ATMIN: variants seen among roughly 807,000 people sequenced by gnomAD.
ATMIN encodes the protein ATM INteracting protein.
ATMIN carries 24 observed loss-of-function variants against 49.2 expected under a neutral mutation model. That is an observed-to-expected ratio of 0.49 (90% confidence interval 0.35 to 0.69). The LOEUF is 0.69. ATMIN is among the 30% of genes least tolerant of loss of function. The pLI, the probability that ATMIN is intolerant of heterozygous loss-of-function variation, is 0.00. For synonymous variants in ATMIN, 450 were observed against 392.5 expected, an observed-to-expected ratio of 1.15 and a Z score of -1.73; for missense variants, 1,037 against 1,005.5, an observed-to-expected ratio of 1.03 and a Z score of -0.42.
At position 81,041,446 on chromosome 16, in the gene ATMIN, G is replaced by A. The variant is rs1971036436; in HGVS notation, c.427G>A (p.Glu143Lys). 6.2e-7 allele frequency: 1 copy of A among 1,611,830 alleles called. No individual in the cohort carries two copies. Among genetic ancestry groups the A allele is most frequent in the Non-Finnish European group, 8.5e-7 (1 of 1,179,506 alleles). Reference sequence around the variant, plus strand: ...AATTGAAGGCTGCCCCAGAGGCCCTGAGAGACCGTTTTCTCAGTTTTCTCT... The same window carrying A: ...AATTGAAGGCTGCCCCAGAGGCCCTAAGAGACCGTTTTCTCAGTTTTCTCT... Reference protein sequence around the residue: ...CPIEGCPRGPERPFSQFSLVK... With the variant: ...CPIEGCPRGPKRPFSQFSLVK... Residue 143 changes from glutamate (E) to lysine (K), a missense_variant, in exon 2 of 4, where the codon GAG (glutamate) becomes AAG (lysine). Glu to Lys is a moderately conservative substitution (Grantham distance 56, BLOSUM62 1). Transcript: ENST00000299575.
At chr16:81,038,169 C>T (rs542249254) in intron 1 of ATMIN, among the ~76,000 whole-genome samples, 118 of 151,980 alleles carry the variant, frequency 7.8e-4, no homozygotes, top group South Asian at 1.9e-3. Flanking sequence ...CTCACTCTGT[C>T]GCCCAGGCTG....
rs184072726 is a variant in ATMIN, at chr16:81,044,721, A to C, written c.2223A>C (p.Gln741His). 2 of 1,614,222 alleles carry C rather than the reference A, an allele frequency of 1.2e-6. No homozygotes were observed. The highest frequency in any genetic ancestry group is 1.7e-6 in the Non-Finnish European group (2 of 1,180,042). The stretch of plus-strand genomic sequence containing the variant: ...CTGATTCATCTGACACAGAGACCCA[A>C]ACTGAAGGAGTCTCCACTGCTAAAA... ...VSTDSSDTET[Q>H]TEGVSTAKNI... The change falls in exon 4 of 4, where the codon CAA becomes CAC. Residue 741 changes from glutamine (Q) to histidine (H), a missense_variant. By Grantham distance (24) the Gln-to-His change is conservative (BLOSUM62 0). Coordinates refer to ENST00000299575, the MANE Select transcript of ATMIN (RefSeq NM_015251.3).
At chr16:81,038,303 G>T (rs1970981272) in intron 1 of ATMIN, among the ~76,000 whole-genome samples, 1 of 151,692 alleles carries the variant, frequency 6.6e-6, no homozygotes, top group Non-Finnish European at 1.5e-5. Flanking sequence ...GCTAATTTTT[G>T]TATTTTTAGT....
chr16:81,045,029 A>G lies in ATMIN; in HGVS notation c.*59A>G, dbSNP rs1300035471. ...CTACCATTTCCTCTGGATTAAAACT[A>G]CGGACTGGGGACAACAGTATTAATT... On this transcript the variant is annotated 3_prime_UTR_variant, in exon 4 of 4. Transcript: ENST00000299575. 16 of 1,556,278 alleles carry G rather than the reference A, an allele frequency of 1.0e-5. No individual in the cohort carries two copies. The highest frequency in any genetic ancestry group is 1.4e-5 in the African/African-American group (1 of 73,084).
In ATMIN at chr16:81,044,220, G is replaced by C. The variant is rs1242336396; in HGVS notation, c.1722G>C (p.Met574Ile). ...PIINFSAQNS[M>I]LPSQNMTDNQ... ...TAAATTTCAGTGCACAGAATAGTAT[G>C]CTTCCTTCACAGAACATGACAGATA... The change falls in exon 4 of 4, where the codon ATG becomes ATC. Residue 574 changes from methionine (M) to isoleucine (I), a missense_variant. By Grantham distance (10) the Met-to-Ile change is conservative. Transcript: ENST00000299575. 1 of 1,614,136 alleles carries C rather than the reference G, an allele frequency of 6.2e-7. No individual in the cohort carries two copies.
In ATMIN at chr16:81,045,550, C is replaced by G. The variant is rs1971103769; in HGVS notation, c.*580C>G. ...TTAAAGACACCAAGGAAAACTACAA[C>G]TGTCTTTAGCTTTGAAGCAGTTTTC... On this transcript the variant is annotated 3_prime_UTR_variant, in exon 4 of 4. Transcript: ENST00000299575. 6.5e-6 allele frequency: 1 copy of G among 153,130 alleles called. No individual in the cohort carries two copies. Among genetic ancestry groups the G allele is most frequent in the Admixed American group, 6.5e-5 (1 of 15,376 alleles). The allele number at this position is 153,130 out of a possible 1,614,324, so 9.5% of individuals were successfully genotyped here.
intron 3 of ATMIN, among the ~76,000 whole-genome samples, 181 bp from the exon 4 acceptor site, chr16:81,042,980 A>T: frequency 6.6e-6 from 1 of 152,130 alleles, no homozygotes; most frequent in East Asian, 1.9e-4. Flanking sequence ...ATGTTTCTCA[A>T]AGTTCACCTG....
chr16:81,037,554 A>C, intron 1 of ATMIN: 1 of 927,270 alleles, frequency 1.1e-6, no homozygotes, highest in African/African-American at 1.8e-5. Context: ...ACTCAAGTGT[A>C]ACTCTGGGAA....
At position 81,045,027 on chromosome 16, in the gene ATMIN, C is replaced by T. The variant is rs1971096725; in HGVS notation, c.*57C>T. 6.4e-7 allele frequency: 1 copy of T among 1,559,158 alleles called. No individual in the cohort carries two copies. Among genetic ancestry groups the T allele is most frequent in the East Asian group, 2.3e-5 (1 of 44,386 alleles). ...ATCTACCATTTCCTCTGGATTAAAA[C>T]TACGGACTGGGGACAACAGTATTAA... On this transcript the variant is annotated 3_prime_UTR_variant, in exon 4 of 4. Coordinates refer to ENST00000299575, the MANE Select transcript of ATMIN (RefSeq NM_015251.3).
intron 1 of ATMIN, among the ~76,000 whole-genome samples, chr16:81,040,032 AC>A (rs1268372937): frequency 2.6e-5 from 4 of 151,760 alleles, no homozygotes; most frequent in Non-Finnish European, 5.9e-5. Flanking sequence ...GTTTCTTTTC[AC>A]CCTCTACTCT....
In ATMIN at chr16:81,046,636, G is replaced by C. The variant is rs1223273433; in HGVS notation, c.*1666G>C. On this transcript the variant is annotated 3_prime_UTR_variant, in exon 4 of 4. Transcript: ENST00000299575. ...CTAAGTTCCAGTCAAGTAGGAATCA[G>C]TGCAGCCTGTAAGTTCTCCACATTG... 2 of 148,318 alleles carry C rather than the reference G, an allele frequency of 1.3e-5. No homozygotes were observed. Among genetic ancestry groups the C allele is most frequent in the African/African-American group, 5.0e-5 (2 of 40,180 alleles). The allele number at this position is 148,318 out of a possible 1,614,324, so 9.2% of individuals were successfully genotyped here. A position where few individuals can be genotyped will look rare whatever the true frequency, so the allele number is the denominator to read the frequency against.
rs1971104006 is a variant in ATMIN, at chr16:81,045,567, G to A, written c.*597G>A. ...AACTACAACTGTCTTTAGCTTTGAAGCAGTTTTCATGTAATCATTGCCACC... is the reference window on the plus strand; with the variant it reads ...AACTACAACTGTCTTTAGCTTTGAAACAGTTTTCATGTAATCATTGCCACC... On this transcript the variant is annotated 3_prime_UTR_variant, in exon 4 of 4. Transcript: ENST00000299575. 1 of 152,804 alleles carries A rather than the reference G, an allele frequency of 6.5e-6. No individual in the cohort carries two copies. 9.5% of individuals were successfully genotyped at this position (152,804 alleles called of 1,614,324 possible).
At position 81,041,494 on chromosome 16, in the gene ATMIN, C is replaced by CT. The variant is rs1265215221; in HGVS notation, c.462+14dup. ...TCTCGTAAAACAGGTACTCTCTACT[C>CT]TGAGGATGAGATACAGATGCTAAAA... is the stretch of plus-strand genomic sequence containing the variant. On this transcript the variant is annotated intron_variant, in intron 2 of 3. Coordinates refer to ENST00000299575, the MANE Select transcript of ATMIN (RefSeq NM_015251.3). 3 of 1,594,806 alleles carry CT rather than the reference C, an allele frequency of 1.9e-6. No individual in the cohort carries two copies. Among genetic ancestry groups the CT allele is most frequent in the East Asian group, 4.5e-5 (2 of 44,802 alleles).
Position 81,037,986 on chromosome 16 carries a change from A to G in ATMIN, c.336+1780A>G, listed in dbSNP as rs188779835. Among the ~76,000 whole-genome samples, 68 of 152,044 alleles carry G rather than the reference A, an allele frequency of 4.5e-4. 1 individual carries two copies. The highest frequency in any genetic ancestry group is 1.6e-3 in the African/African-American group (66 of 41,460). ...ACTTAGGTGGATGAACTATTTCTTA[A>G]TAGTTTCTGTTGTTCCTTTCTGTGG... On this transcript the variant is annotated intron_variant, in intron 1 of 3. Coordinates refer to ENST00000299575, the MANE Select transcript of ATMIN (RefSeq NM_015251.3).
chr16:81,044,723 C>T lies in ATMIN; in HGVS notation c.2225C>T (p.Thr742Ile), dbSNP rs771912687. The change falls in exon 4 of 4, where the codon ACT (threonine) becomes ATT (isoleucine). Residue 742 changes from threonine (T) to isoleucine (I), a missense_variant. Physicochemically the swap from Thr to Ile is moderately conservative, Grantham distance 89. Coordinates refer to ENST00000299575, the MANE Select transcript of ATMIN (RefSeq NM_015251.3). ...STDSSDTETQTEGVSTAKNIP... is the reference protein window; with the variant it reads ...STDSSDTETQIEGVSTAKNIP... Reference sequence around the variant, plus strand: ...GATTCATCTGACACAGAGACCCAAACTGAAGGAGTCTCCACTGCTAAAAAT... The same window carrying T: ...GATTCATCTGACACAGAGACCCAAATTGAAGGAGTCTCCACTGCTAAAAAT... 6.8e-6 allele frequency: 11 copies of T among 1,614,228 alleles called. No homozygotes were observed. The highest frequency in any genetic ancestry group is 8.5e-6 in the Non-Finnish European group (10 of 1,180,038).
At position 81,044,689 on chromosome 16, in the gene ATMIN, G is replaced by A. The variant is rs757657493; in HGVS notation, c.2191G>A (p.Val731Met). The A allele has an allele frequency of 1.5e-5, 24 of 1,614,002 alleles. No individual in the cohort carries two copies. Among genetic ancestry groups the A allele is most frequent in the South Asian group, 5.5e-5 (5 of 91,080 alleles). Residue 731 changes from valine (V) to methionine (M), a missense_variant, in exon 4 of 4, where the codon GTG becomes ATG. Transcript: ENST00000299575. ...TATTCTGAAACACTCCAGCTTTTCCGTGAGTACTGATTCATCTGACACAGA... is the reference window on the plus strand; with the variant it reads ...TATTCTGAAACACTCCAGCTTTTCCATGAGTACTGATTCATCTGACACAGA... ...GSILKHSSFS[V>M]STDSSDTETQ... is the part of the protein sequence containing the mutation.
chr16:81,041,309 GT>G, intron 1 of ATMIN, 46 bp from the exon 2 acceptor site: 1 of 1,573,548 alleles, frequency 6.4e-7, no homozygotes, highest in Non-Finnish European at 8.6e-7. Context: ...CCAGCCTGTT[GT>G]GTTGTTTTTT....
chr16:81,037,080 C>G, intron 1 of ATMIN: 1 of 670,044 alleles, frequency 1.5e-6, no homozygotes, highest in Non-Finnish European at 1.8e-6. Context: ...AACCTTGGGA[C>G]ACATCTGTGA....
chr16:81,044,444 C>T lies in ATMIN; in HGVS notation c.1946C>T (p.Thr649Ile). 6.2e-7 allele frequency: 1 copy of T among 1,614,138 alleles called. No individual in the cohort carries two copies. The highest frequency in any genetic ancestry group is 8.5e-7 in the Non-Finnish European group (1 of 1,180,036). ...EEFFSASNIQ[T>I]QTEESELSTM... ...TTCTTTTCGGCCTCAAATATCCAGACTCAAACTGAAGAGAGTGAACTTAGC... is the reference window on the plus strand; with the variant it reads ...TTCTTTTCGGCCTCAAATATCCAGATTCAAACTGAAGAGAGTGAACTTAGC... Residue 649 changes from threonine (T) to isoleucine (I), a missense_variant, in exon 4 of 4, where the codon ACT (threonine) becomes ATT (isoleucine). Physicochemically the swap from Thr to Ile is moderately conservative, Grantham distance 89 (BLOSUM62 -1). Transcript: ENST00000299575.
Sources: allele counts gnomAD v4.1 joint callset (sites outside exome capture counted in the v4.1 genomes callset), GRCh38; gene constraint gnomAD v4.1.1; transcripts MANE v1.5; gene names NCBI Gene and HGNC (gene_info 2026-07-23, HGNC 2026-07-21).